The following USP42 variants were observed in gnomAD, a reference collection of about 807,000 sequenced individuals.
USP42 encodes ubiquitin specific peptidase 42.
In USP42, 23 loss-of-function variants were observed where a neutral mutation model predicts 113.0. That is an observed-to-expected ratio of 0.20 (90% CI 0.15 to 0.29). The LOEUF is 0.29. USP42 is among the 10% of genes least tolerant of loss of function. The pLI is 1.00. For missense variants in USP42, 2,174 were observed against 1,779.8 expected (o/e 1.22, Z -3.99); for synonymous variants, 933 against 699.0 (o/e 1.33, Z -5.28).
At chr7:6,103,756 C>A (rs28631066), upstream of USP42, among the ~76,000 whole-genome samples, 55,304 of 128,776 alleles carry the variant, frequency 0.43, 14,550 homozygotes, top group East Asian at 0.75. Flanking sequence ...AAAAAAAAAA[C>A]AAAACTTAAA....
chr7:6,155,247 G>T, intron 15 of USP42, 52 bp downstream of exon 15: 1 of 1,474,244 alleles, frequency 6.8e-7, no homozygotes, highest in Non-Finnish European at 8.9e-7. Flanking sequence ...TGTCAGCAGT[G>T]GGGCCTGTCC....
chr7:6,140,867 G>C (rs745605892), intron 6 of USP42, 47 bp from the exon 7 acceptor site: 12 of 1,057,122 alleles, frequency 1.1e-5, no homozygotes, highest in Non-Finnish European at 1.7e-5. Context: ...TGATGTTGCT[G>C]TAATGATTAT....
the USP42 span, among the ~76,000 whole-genome samples, chr7:6,092,510 GT>G: frequency 6.6e-6 from 1 of 151,010 alleles, no homozygotes; most frequent in African/African-American, 2.5e-5. Flanking sequence ...CATTTCTGTT[GT>G]AAAACTTTTC....
At chr7:6,149,010 A>G (rs1047224993) in intron 12 of USP42, among the ~76,000 whole-genome samples, 8 of 152,226 alleles carry the variant, frequency 5.3e-5, no homozygotes, top group Admixed American at 6.5e-5. Flanking sequence ...GGAAGGCCAC[A>G]CGTGATCTGT....
At position 6,150,509 on chromosome 7, in the gene USP42, A is replaced by G. The variant is rs761265810; in HGVS notation, c.2201+3A>G. On this transcript the variant is annotated splice_donor_region_variant and intron_variant, in intron 14 of 17. Coordinates refer to ENST00000306177, the MANE Select transcript of USP42 (RefSeq NM_032172.3). ...AAAGGCTCGACGGATGAAATGAGGTAACGTAAGAGTACATCTGAGGCACGT... is the reference window on the plus strand; with the variant it reads ...AAAGGCTCGACGGATGAAATGAGGTGACGTAAGAGTACATCTGAGGCACGT... 2 of 1,613,802 alleles carry G rather than the reference A, an allele frequency of 1.2e-6. No individual in the cohort carries two copies. Among genetic ancestry groups the G allele is most frequent in the South Asian group, 1.1e-5 (1 of 91,086 alleles).
Position 6,121,381 on chromosome 7 carries a change from A to G in USP42, c.442+5858A>G, listed in dbSNP as rs372030552. 3.0e-3 allele frequency among the ~76,000 whole-genome samples: 449 copies of G among 152,156 alleles called. 2 individuals carry two copies. Among genetic ancestry groups the G allele is most frequent in the African/African-American group, 0.01 (425 of 41,526 alleles). ...ACACTTGGTCATGATGCATTATTCT[A>G]TGTATTACTGGCTTTGATTTGCTAA... On this transcript the variant is annotated intron_variant, in intron 3 of 17. Transcript: ENST00000306177.
In USP42 at chr7:6,139,092, G is replaced by T; in HGVS notation, c.554G>T (p.Arg185Leu). 1 of 1,602,756 alleles carries T rather than the reference G, an allele frequency of 6.2e-7. No individual in the cohort carries two copies. Among genetic ancestry groups the T allele is most frequent in the Non-Finnish European group, 8.5e-7 (1 of 1,174,164 alleles). The change falls in exon 5 of 18, where the codon CGT becomes CTT. Residue 185 changes from arginine (R) to leucine (L), a missense_variant and splice_region_variant. Coordinates refer to ENST00000306177, the MANE Select transcript of USP42 (RefSeq NM_032172.3). This position sits in a 1 kb window ranked among gnomAD's most constrained non-coding sequence, Gnocchi z 4.5. ...CCTTGTCTTTACCGAAATTTTACAG[G>T]TATAGCTAGGCACTTCCGTTTTGGA... The part of the protein sequence containing the change: ...KPMFVINEMR[R>L]IARHFRFGNQ...
At position 6,154,185 on chromosome 7, in the gene USP42, G is replaced by T. The variant is rs201039486; in HGVS notation, c.2631G>T (p.Gly877=). 218 of 1,600,252 alleles carry T rather than the reference G, an allele frequency of 1.4e-4. No individual in the cohort carries two copies. The highest frequency in any genetic ancestry group is 1.8e-4 in the Non-Finnish European group (213 of 1,175,552). Residue 877 remains glycine, a synonymous_variant, in exon 15 of 18, where the codon GGG becomes GGT. Coordinates refer to ENST00000306177, the MANE Select transcript of USP42 (RefSeq NM_032172.3). ...CEQPLLVHPS[G]DHARDAQDPS... ...AGCCACTCCTTGTTCACCCCAGCGG[G>T]GACCACGCCCGGGACGCTCAGGACC...
chr7:6,132,741 G>A (rs1780919288), intron 3 of USP42, among the ~76,000 whole-genome samples: 3 of 148,126 alleles, frequency 2.0e-5, no homozygotes, highest in Non-Finnish European at 3.0e-5. Context: ...TCGAGATCTC[G>A]GCTCACTGCA....
intron 1 of USP42, among the ~76,000 whole-genome samples, chr7:6,105,430 T>TGCTGGCC (rs1180211990): frequency 6.7e-6 from 1 of 148,982 alleles, no homozygotes; most frequent in African/African-American, 2.4e-5. Flanking sequence ...GGTGGGCGTG[T>TGCTGGCC]GCTGGCCGCT....
chr7:6,134,964 A>AT (rs1781051772), intron 3 of USP42, among the ~76,000 whole-genome samples: 2 of 151,644 alleles, frequency 1.3e-5, no homozygotes, highest in South Asian at 2.1e-4. Flanking sequence ...TTTTCTTTTT[A>AT]TTTTTTGTAG....
chr7:6,134,321 T>G (rs1781011938), intron 3 of USP42, among the ~76,000 whole-genome samples: 1 of 152,224 alleles, frequency 6.6e-6, no homozygotes, highest in African/African-American at 2.4e-5. Context: ...TTTTTCTGTT[T>G]ATTTTCTCCT....
intron 3 of USP42, among the ~76,000 whole-genome samples, chr7:6,135,350 G>C (rs1364802584): frequency 6.6e-6 from 1 of 152,000 alleles, no homozygotes; most frequent in African/African-American, 2.4e-5. Context: ...ACTTAGGTTT[G>C]TTAGAAAAGT....
At chr7:6,123,611 C>T (rs572025378) in intron 3 of USP42, among the ~76,000 whole-genome samples, 11 of 151,840 alleles carry the variant, frequency 7.2e-5, no homozygotes, top group African/African-American at 1.7e-4. Context: ...TGCAGTGAGC[C>T]GAGATCGCGC....
Position 6,154,947 on chromosome 7 carries a change from C to T in USP42, c.3393C>T (p.Arg1131=), listed in dbSNP as rs775398011. The change falls in exon 15 of 18, where the codon CGC becomes CGT. Residue 1131 remains arginine, a synonymous_variant. Transcript: ENST00000306177. ...ACGCCCTCGCCCCGCACCCCGACCGCTTCTCCCACGACAGAACTGCACTTG... is the reference window on the plus strand; with the variant it reads ...ACGCCCTCGCCCCGCACCCCGACCGTTTCTCCCACGACAGAACTGCACTTG... ...APHALAPHPD[R]FSHDRTALVA... is the part of the protein sequence containing the mutation. 8 of 1,554,650 alleles carry T rather than the reference C, an allele frequency of 5.1e-6. No individual in the cohort carries two copies. The highest frequency in any genetic ancestry group is 7.0e-6 in the Non-Finnish European group (8 of 1,148,784).
Position 6,154,603 on chromosome 7 carries a change from T to G in USP42, c.3049T>G (p.Cys1017Gly). The G allele has an allele frequency of 6.3e-7, 1 of 1,586,082 alleles. No individual in the cohort carries two copies. Among genetic ancestry groups the G allele is most frequent in the Non-Finnish European group, 8.6e-7 (1 of 1,168,354 alleles). Residue 1017 changes from cysteine (C) to glycine (G), a missense_variant, in exon 15 of 18, where the codon TGC becomes GGC. Cys to Gly is a radical substitution (Grantham distance 159, BLOSUM62 -3). Transcript: ENST00000306177. ...SPGERRSLGR[C>G]SHHHSRHRSG... ...TGGCGAGCGCCGCTCTCTGGGCAGG[T>G]GCAGTCACCACCACTCCCGACACCG...
rs1780490729 is a variant in USP42 at position 6,125,536 on chromosome 7, AT to A, written c.442+10017del. Among the ~76,000 whole-genome samples the A allele has an allele frequency of 3.9e-5, 6 of 152,288 alleles. No homozygotes were observed. In the South Asian group the frequency reaches 1.0e-3, roughly 26 times the overall value. On this transcript the variant is annotated intron_variant, in intron 3 of 17. Transcript: ENST00000306177. The stretch of plus-strand genomic sequence containing the variant: ...TCTGCTTCTCGTGAAGTATAAGAAC[AT>A]TTTGGTAATATACTCCATCTTTCCT...
chr7:6,114,932 C>T (rs781308005), intron 2 of USP42, among the ~76,000 whole-genome samples: 2 of 151,630 alleles, frequency 1.3e-5, no homozygotes, highest in Admixed American at 6.6e-5. Context: ...CCTCATAATC[C>T]GCCTGCCTCA....
At chr7:6,123,832 C>CAAA (rs34032326) in intron 3 of USP42, among the ~76,000 whole-genome samples, 6 of 72,740 alleles carry the variant, frequency 8.2e-5, no homozygotes, top group East Asian at 3.7e-4. Context: ...GACCCTGTCT[C>CAAA]AAAAAAAAAA....
Sources: gnomAD v4.1 joint callset for allele counts (sites outside exome capture counted in the v4.1 genomes callset) on GRCh38, gnomAD v4.1.1 for gene constraint, Gnocchi (gnomAD v3.1) non-coding constraint, MANE v1.5 for transcripts, NCBI Gene and HGNC (gene_info 2026-07-23, HGNC 2026-07-21) for gene names.